Variants in P2RX3 observed in about 807,000 individuals in gnomAD.
P2RX3 encodes the protein purinergic receptor P2X 3.
A neutral mutation model predicts 51.5 loss-of-function variants in P2RX3; 41 were observed. The observed-to-expected ratio is 0.80, with a 90% CI of 0.62 to 1.03. The LOEUF is 1.03. Ranked by LOEUF, P2RX3 falls within the 50% of genes least tolerant of loss-of-function variation. The pLI, the probability that P2RX3 is intolerant of heterozygous loss-of-function variation, is 0.00. For missense variants in P2RX3, 459 were observed against 522.1 expected, an observed-to-expected ratio of 0.88 and a Z score of 1.18; for synonymous variants, 185 against 191.6, an observed-to-expected ratio of 0.97 and a Z score of 0.29.
chr11:57,365,628 CCTT>C (rs1351728891), intron 8 of P2RX3, among the ~76,000 whole-genome samples: 2 of 152,204 alleles, frequency 1.3e-5, no homozygotes, highest in Non-Finnish European at 2.9e-5. Context: ...CACCAACAGA[CCTT>C]CTAGCAGGGC....
Position 57,369,864 on chromosome 11 carries a change from A to G in P2RX3, c.1081-20A>G. On this transcript the variant is annotated intron_variant, in intron 11 of 11. Transcript: ENST00000263314. ...TTGCCCATAGTCAGAACTTGACAAC[A>G]CCAGCTCTTTCGCCTGCAGGTGAAT... 3.2e-6 allele frequency: 5 copies of G among 1,550,242 alleles called. No homozygotes were observed. Among genetic ancestry groups the G allele is most frequent in the East Asian group, 2.3e-5 (1 of 44,046 alleles).
chr11:57,348,684 C>A lies in P2RX3; in HGVS notation c.543C>A (p.Phe181Leu). The A allele has an allele frequency of 6.2e-7, 1 of 1,613,598 alleles. No individual in the cohort carries two copies. Among genetic ancestry groups the A allele is most frequent in the Admixed American group, 1.7e-5 (1 of 60,010 alleles). ...TTTTCATCAAGAACAGCATCCGTTTCCCCCTCTTCAACTTTGAGAAGTGAG... is the reference window on the plus strand; with the variant it reads ...TTTTCATCAAGAACAGCATCCGTTTACCCCTCTTCAACTTTGAGAAGTGAG... ...FTIFIKNSIR[F>L]PLFNFEKGNL... The change falls in exon 6 of 12, where the codon TTC becomes TTA. Residue 181 changes from phenylalanine (F) to leucine (L), a missense_variant. Phe to Leu is a conservative substitution (Grantham distance 22). Coordinates refer to ENST00000263314, the MANE Select transcript of P2RX3 (RefSeq NM_002559.5).
chr11:57,338,740 G>A lies in P2RX3; in HGVS notation c.119+71G>A, dbSNP rs185432795. On this transcript the variant is annotated intron_variant, in intron 1 of 11. Coordinates refer to ENST00000263314, the MANE Select transcript of P2RX3 (RefSeq NM_002559.5). ...TATCCCGTCTTCACCCTCCTGCCTC[G>A]GTGCTACCATCCAGCTTCCTGAGCT... 4.6e-3 allele frequency: 4,708 copies of A among 1,019,642 alleles called. 12 individuals carry two copies. Among genetic ancestry groups the A allele is most frequent in the Non-Finnish European group, 5.8e-3 (3,872 of 665,246 alleles). 63.2% of individuals were successfully genotyped at this position (1,019,642 alleles called of 1,614,324 possible). A position where few individuals can be genotyped will look rare whatever the true frequency, so the allele number is the denominator to read the frequency against.
At chr11:57,337,329 AAAGGAAGGGAAGGAAAGAAAG>A (rs1856246954), upstream of P2RX3, among the ~76,000 whole-genome samples, 7 of 77,290 alleles carry the variant, frequency 9.1e-5, no homozygotes, top group East Asian at 3.9e-4. Flanking sequence ...AAGAAAAAAA[AAAGGAAGGGAAGGAAAGAAAG>A]AAAAAAAAAA....
At position 57,369,454 on chromosome 11, in the gene P2RX3, G is replaced by A; in HGVS notation, c.1080+16G>A. 1 of 1,601,568 alleles carries A rather than the reference G, an allele frequency of 6.2e-7. No homozygotes were observed. Among genetic ancestry groups the A allele is most frequent in the South Asian group, 1.1e-5 (1 of 88,834 alleles). On this transcript the variant is annotated intron_variant, in intron 11 of 11. Coordinates refer to ENST00000263314, the MANE Select transcript of P2RX3 (RefSeq NM_002559.5). ...GTTTGAGGAGGTGAGTTGGGGAAGG[G>A]GCACCCTTGGATAAAAGGGAGAGGG...
intron 1 of P2RX3, among the ~76,000 whole-genome samples, chr11:57,343,922 T>C (rs55637147): frequency 0.36 from 55,291 of 152,110 alleles, 12,221 homozygotes; most frequent in East Asian, 0.7. Context: ...TTGGGTTTCC[T>C]GTGACAGGGA....
chr11:57,345,359 G>A (rs764776702), intron 1 of P2RX3, among the ~76,000 whole-genome samples: 80 of 152,000 alleles, frequency 5.3e-4, no homozygotes, highest in Non-Finnish European at 1.0e-3. Flanking sequence ...TGGCTTCTGT[G>A]GTCAAATAAG....
At chr11:57,340,433 C>G (rs1336981451) in intron 1 of P2RX3, 1 of 152,414 alleles carries the variant, frequency 6.6e-6, no homozygotes, top group Non-Finnish European at 1.5e-5. Flanking sequence ...CAGCTCCCCA[C>G]GGGACACTGC....
Position 57,370,115 on chromosome 11 carries a change from G to T in P2RX3, c.*118G>T. 1.4e-6 allele frequency: 1 copy of T among 728,302 alleles called. No homozygotes were observed. Among genetic ancestry groups the T allele is most frequent in the Non-Finnish European group, 2.3e-6 (1 of 434,674 alleles). The allele number at this position is 728,302 out of a possible 1,614,324, so 45.1% of individuals were successfully genotyped here. On this transcript the variant is annotated 3_prime_UTR_variant, in exon 12 of 12. Coordinates refer to ENST00000263314, the MANE Select transcript of P2RX3 (RefSeq NM_002559.5). ...CTCATTTCTGCTGCTCATTCCATGA[G>T]CATAGCTGGGACCCAAGTGTCTGGG...
intron 1 of P2RX3, among the ~76,000 whole-genome samples, chr11:57,341,117 G>T (rs1856331944): frequency 6.6e-6 from 1 of 152,152 alleles, no homozygotes; most frequent in Non-Finnish European, 1.5e-5. Flanking sequence ...GTGCACGTGA[G>T]TTTGAGAGAG....
intron 10 of P2RX3, 36 bp downstream of exon 10, chr11:57,368,473 C>T (rs759974815): frequency 6.2e-7 from 1 of 1,610,680 alleles, no homozygotes; most frequent in Non-Finnish European, 8.5e-7. Context: ...ACGGGCCAGT[C>T]AGAGTGGGGC....
At chr11:57,355,220 C>T (rs1018895853) in intron 8 of P2RX3, among the ~76,000 whole-genome samples, 2 of 152,124 alleles carry the variant, frequency 1.3e-5, no homozygotes, top group African/African-American at 4.8e-5. Context: ...TCAGAGGTCT[C>T]TAACTGCTTT....
At position 57,350,660 on chromosome 11, in the gene P2RX3, G is replaced by GGGAGGAAAT. The variant is rs2134422588; in HGVS notation, c.706-101_706-93dup. 23 of 1,490,510 alleles carry GGGAGGAAAT rather than the reference G, an allele frequency of 1.5e-5. No individual in the cohort carries two copies. The South Asian group carries it at 2.9e-4, about 19-fold the overall frequency. The allele number at this position is 1,490,510 out of a possible 1,614,324, so 92.3% of individuals were successfully genotyped here. A position where few individuals can be genotyped will look rare whatever the true frequency, so the allele number is the denominator to read the frequency against. Reference sequence around the variant, plus strand: ...TGCCTCCGTCTCCCACCTGGAGGATGGGAGGAAATCATTTGTCACCACCTC... The same window carrying GGGAGGAAAT: ...TGCCTCCGTCTCCCACCTGGAGGATGGGAGGAAATGGAGGAAATCATTTGTCACCACCTC... On this transcript the variant is annotated intron_variant, in intron 7 of 11. Coordinates refer to ENST00000263314, the MANE Select transcript of P2RX3 (RefSeq NM_002559.5).
chr11:57,363,748 G>A (rs542557030), intron 8 of P2RX3, among the ~76,000 whole-genome samples: 5 of 152,222 alleles, frequency 3.3e-5, no homozygotes, highest in East Asian at 1.9e-4. Context: ...GATCCCCATC[G>A]GCCACAGGAG....
intron 8 of P2RX3, among the ~76,000 whole-genome samples, chr11:57,360,439 C>T (rs1421489366): frequency 6.6e-6 from 1 of 152,136 alleles, no homozygotes; most frequent in Non-Finnish European, 1.5e-5. Context: ...ATTATTTATT[C>T]TTCTAGCAAG....
chr11:57,345,208 C>G (rs538142618), intron 1 of P2RX3, among the ~76,000 whole-genome samples: 1 of 152,234 alleles, frequency 6.6e-6, no homozygotes, highest in Non-Finnish European at 1.5e-5. Flanking sequence ...TACACAGTCT[C>G]AAATTCCTTC....
upstream of P2RX3, among the ~76,000 whole-genome samples, chr11:57,337,567 G>A (rs1856257728): frequency 6.6e-6 from 1 of 152,088 alleles, no homozygotes; most frequent in Non-Finnish European, 1.5e-5. Flanking sequence ...ATTATCACAA[G>A]GACAGAAAAC....
At chr11:57,355,901 C>G (rs961187039) in intron 8 of P2RX3, among the ~76,000 whole-genome samples, 1 of 152,140 alleles carries the variant, frequency 6.6e-6, no homozygotes, top group Admixed American at 6.5e-5. Flanking sequence ...GTGGAAGCTC[C>G]TGCCTGTAAT....
At chr11:57,351,882 T>G (rs1394742668) in intron 8 of P2RX3, among the ~76,000 whole-genome samples, 1 of 152,214 alleles carries the variant, frequency 6.6e-6, no homozygotes, top group African/African-American at 2.4e-5. Flanking sequence ...TGCATATATA[T>G]GGGATACAAT....
Sources: allele counts gnomAD v4.1 joint callset (sites outside exome capture counted in the v4.1 genomes callset), GRCh38; gene constraint gnomAD v4.1.1; transcripts MANE v1.5; gene names NCBI Gene and HGNC (gene_info 2026-07-23, HGNC 2026-07-21).